CNBD1: variants seen among roughly 807,000 people sequenced by gnomAD.
CNBD1 encodes cyclic nucleotide binding domain containing 1, also known as cyclic nucleotide-binding domain-containing protein 1.
Under a neutral mutation model 54.4 loss-of-function variants are expected in CNBD1, and 71 were observed. That is an observed-to-expected ratio of 1.30 (90% CI 1.08 to 1.59). CNBD1 has a LOEUF of 1.59. Ranked by LOEUF, CNBD1 falls within the 40% of genes most tolerant of loss-of-function variation. The probability of loss-of-function intolerance (pLI) is 0.00; values close to 1 mark genes in which losing one functional copy is unlikely to be tolerated. For synonymous variants in CNBD1, 182 were observed against 170.7 expected, an observed-to-expected ratio of 1.07 and a Z score of -0.51; for missense variants, 659 against 518.0, an observed-to-expected ratio of 1.27 and a Z score of -2.64.
chr8:87,339,851 G>A (rs568819497), intron 8 of CNBD1, among the ~76,000 whole-genome samples: 1 of 151,912 alleles, frequency 6.6e-6, no homozygotes, highest in Non-Finnish European at 1.5e-5. Flanking sequence ...ATTTATTAAC[G>A]TATTTCTATA....
intron 4 of CNBD1, among the ~76,000 whole-genome samples, chr8:87,162,031 G>GA (rs1284033336): frequency 6.6e-6 from 1 of 152,024 alleles, no homozygotes; most frequent in African/African-American, 2.4e-5. Flanking sequence ...CTTGGTGTGG[G>GA]AGAATTACTC....
intron 8 of CNBD1, among the ~76,000 whole-genome samples, chr8:87,289,705 T>C (rs996495872): frequency 3.3e-5 from 5 of 152,112 alleles, no homozygotes; most frequent in Admixed American, 3.3e-4. Flanking sequence ...ATAACAGTAA[T>C]AGTCAAAATT....
In CNBD1 at chr8:87,263,947, A is replaced by G. The variant is rs984601108; in HGVS notation, c.772-20731A>G. Among the ~76,000 whole-genome samples the G allele has an allele frequency of 3.5e-4, 53 of 152,164 alleles. 1 individual carries two copies. Among genetic ancestry groups the G allele is most frequent in the Non-Finnish European group, 4.3e-4 (29 of 68,012 alleles). The stretch of plus-strand genomic sequence containing the variant: ...CTTATTATACTCTTTTATACCATAT[A>G]TTACATAAAATATCACTGTTACTTT... On this transcript the variant is annotated intron_variant, in intron 6 of 10. Coordinates refer to ENST00000518476, the MANE Select transcript of CNBD1 (RefSeq NM_173538.3).
chr8:87,111,458 G>T (rs1480938280), intron 4 of CNBD1, among the ~76,000 whole-genome samples: 1 of 152,168 alleles, frequency 6.6e-6, no homozygotes, highest in Non-Finnish European at 1.5e-5. Context: ...CCTTTTCTCA[G>T]TGTGTACTTA....
Position 87,079,145 on chromosome 8 carries a change from C to T in CNBD1, c.432-126848C>T, listed in dbSNP as rs541731752. Reference sequence around the variant, plus strand: ...ATTTCACAGTGTCTAGTTTTTTTCACTCAGCATGCAGATTTTAATGTCATC... The same window carrying T: ...ATTTCACAGTGTCTAGTTTTTTTCATTCAGCATGCAGATTTTAATGTCATC... On this transcript the variant is annotated intron_variant, in intron 4 of 10. Coordinates refer to ENST00000518476, the MANE Select transcript of CNBD1 (RefSeq NM_173538.3). 4.6e-5 allele frequency among the ~76,000 whole-genome samples: 7 copies of T among 151,892 alleles called. No homozygotes were observed. The South Asian group carries it at 1.5e-3, about 32-fold the overall frequency.
intron 3 of CNBD1, among the ~76,000 whole-genome samples, chr8:86,913,411 G>A (rs1426635994): frequency 1.3e-5 from 2 of 152,006 alleles, no homozygotes; most frequent in Admixed American, 6.6e-5. Flanking sequence ...ACCTGCCCCC[G>A]ATAATTCTTC....
chr8:87,308,536 A>G (rs576680005), intron 8 of CNBD1, among the ~76,000 whole-genome samples: 1 of 152,324 alleles, frequency 6.6e-6, no homozygotes, highest in South Asian at 2.1e-4. Flanking sequence ...TGTCATGATC[A>G]AATCAGTGTA....
intron 5 of CNBD1, among the ~76,000 whole-genome samples, chr8:87,211,081 G>C (rs1028120685): frequency 5.9e-5 from 9 of 152,184 alleles, no homozygotes; most frequent in Non-Finnish European, 1.2e-4. Flanking sequence ...GTGTGCTCCA[G>C]ATTTGGGACA....
chr8:87,159,140 C>T (rs188384727), intron 4 of CNBD1, among the ~76,000 whole-genome samples: 238 of 152,190 alleles, frequency 1.6e-3, no homozygotes, highest in Admixed American at 2.7e-3. Flanking sequence ...TACTTATTTG[C>T]ATTAGATTAT....
At chr8:87,322,541 T>G (rs1354404803) in intron 8 of CNBD1, among the ~76,000 whole-genome samples, 1 of 120,114 alleles carries the variant, frequency 8.3e-6, no homozygotes, top group African/African-American at 3.1e-5. Context: ...GATTTGCATT[T>G]CTCTGATGGC....
At chr8:86,992,215 G>A (rs1432133188) in intron 4 of CNBD1, among the ~76,000 whole-genome samples, 2 of 151,832 alleles carry the variant, frequency 1.3e-5, no homozygotes, top group Non-Finnish European at 2.9e-5. Context: ...TATATGTTTA[G>A]TATAGTTAAG....
intron 2 of CNBD1, among the ~76,000 whole-genome samples, chr8:87,424,911 A>G (rs1477019445): frequency 1.3e-5 from 2 of 152,078 alleles, no homozygotes; most frequent in Non-Finnish European, 2.9e-5. Context: ...TATCCTGCAG[A>G]GTGTTTTCCA....
intron 8 of CNBD1, among the ~76,000 whole-genome samples, chr8:87,317,387 A>G (rs947868710): frequency 2.3e-4 from 35 of 151,464 alleles, no homozygotes; most frequent in African/African-American, 7.7e-4. Flanking sequence ...TTTTGTTTTC[A>G]TCTCACTCAA....
chr8:87,365,349 T>C (rs1820439531), intron 10 of CNBD1, among the ~76,000 whole-genome samples: 1 of 152,038 alleles, frequency 6.6e-6, no homozygotes. Context: ...ATGGTTTTTG[T>C]TTTTTGCTTG....
Position 87,294,118 on chromosome 8 carries a change from A to G in CNBD1, c.1042+7447A>G, listed in dbSNP as rs145849446. Reference sequence around the variant, plus strand: ...GAGTGATAGTTGAAAGGAGAGAGGTACTAGAAAACCAGAACAATTAGGAGT... The same window carrying G: ...GAGTGATAGTTGAAAGGAGAGAGGTGCTAGAAAACCAGAACAATTAGGAGT... On this transcript the variant is annotated intron_variant, in intron 8 of 10. Transcript: ENST00000518476. 1.2e-3 allele frequency among the ~76,000 whole-genome samples: 179 copies of G among 152,322 alleles called. 1 individual carries two copies. Among genetic ancestry groups the G allele is most frequent in the African/African-American group, 4.1e-3 (169 of 41,582 alleles).
intron 8 of CNBD1, among the ~76,000 whole-genome samples, chr8:87,317,099 G>A (rs558098267): frequency 2.6e-5 from 4 of 151,766 alleles, no homozygotes; most frequent in South Asian, 4.2e-4. Flanking sequence ...TTTTGTGGGG[G>A]TGAACTGTCT....
intron 5 of CNBD1, among the ~76,000 whole-genome samples, chr8:87,234,507 TG>T: frequency 6.6e-6 from 1 of 152,354 alleles, no homozygotes; most frequent in Admixed American, 6.5e-5. Flanking sequence ...TCAGAGTTCT[TG>T]GGTGACCAGA....
intron 8 of CNBD1, among the ~76,000 whole-genome samples, chr8:87,302,845 GACAA>G (rs1469953205): frequency 1.3e-5 from 2 of 152,018 alleles, no homozygotes; most frequent in Non-Finnish European, 2.9e-5. Flanking sequence ...ACCAGCAACA[GACAA>G]ACAGAGAGCC....
chr8:87,223,772 G>A (rs1814405764), intron 5 of CNBD1, among the ~76,000 whole-genome samples: 1 of 151,958 alleles, frequency 6.6e-6, no homozygotes, highest in Non-Finnish European at 1.5e-5. Flanking sequence ...TGGGATGGCT[G>A]GGTCAAATGG....
Sources: allele counts gnomAD v4.1 joint callset (sites outside exome capture counted in the v4.1 genomes callset), GRCh38; gene constraint gnomAD v4.1.1; transcripts MANE v1.5; gene names NCBI Gene and HGNC (gene_info 2026-07-23, HGNC 2026-07-21).